Variants in TTLL11 observed in about 807,000 individuals in gnomAD.
TTLL11 encodes tubulin tyrosine ligase like 11.
Under a neutral mutation model 51.7 loss-of-function variants are expected in TTLL11, and 42 were observed. That is an observed-to-expected ratio of 0.81 (90% confidence interval 0.64 to 1.05). The LOEUF is 1.05. Ranked by LOEUF, TTLL11 falls within the 50% of genes least tolerant of loss-of-function variation. TTLL11 has a pLI of 0.00. For synonymous variants in TTLL11, 381 were observed against 383.5 expected (o/e 0.99, Z 0.08); for missense variants, 799 against 940.4 (o/e 0.85, Z 1.97).
At chr9:121,992,536 A>G (rs10739604) in intron 3 of TTLL11, among the ~76,000 whole-genome samples, 133,898 of 152,252 alleles carry the variant, frequency 0.88, 59,233 homozygotes, top group Non-Finnish European at 0.94. Flanking sequence ...GAGAATCACT[A>G]GACTAAGTGA....
chr9:121,842,255 T>TA (rs1837377790), intron 8 of TTLL11, among the ~76,000 whole-genome samples: 1 of 133,580 alleles, frequency 7.5e-6, no homozygotes, highest in Non-Finnish European at 1.7e-5. Flanking sequence ...TCTCCTTTTT[T>TA]TTAAAAAAAA....
At chr9:122,084,985 C>G (rs528943908) in intron 1 of TTLL11, among the ~76,000 whole-genome samples, 1 of 152,150 alleles carries the variant, frequency 6.6e-6, no homozygotes, top group African/African-American at 2.4e-5. Flanking sequence ...ACAGGCCAGG[C>G]GCGGTGGCTC....
intron 6 of TTLL11, among the ~76,000 whole-genome samples, chr9:121,902,733 A>G (rs1839817949): frequency 6.6e-6 from 1 of 151,996 alleles, no homozygotes. Flanking sequence ...TTCTTTTCTG[A>G]CGCAGATGGG....
At chr9:121,881,030 T>C (rs1458083317) in intron 6 of TTLL11, among the ~76,000 whole-genome samples, 1 of 152,236 alleles carries the variant, frequency 6.6e-6, no homozygotes, top group East Asian at 1.9e-4. Flanking sequence ...AGCCTGTCTC[T>C]ACCCTGGAAG....
At chr9:121,826,802 C>T (rs943310620) in intron 8 of TTLL11, among the ~76,000 whole-genome samples, 2 of 151,802 alleles carry the variant, frequency 1.3e-5, no homozygotes, top group African/African-American at 4.8e-5. Flanking sequence ...GCAAAGTGGG[C>T]ATGACAGTGG....
chr9:121,856,225 T>C (rs1207106267), intron 8 of TTLL11, among the ~76,000 whole-genome samples: 1 of 152,178 alleles, frequency 6.6e-6, no homozygotes, highest in East Asian at 1.9e-4. Context: ...GCAACTGCCA[T>C]CATGCCTGGT....
intron 6 of TTLL11, among the ~76,000 whole-genome samples, chr9:121,892,972 G>C (rs1328794681): frequency 3.9e-5 from 6 of 152,128 alleles, no homozygotes; most frequent in African/African-American, 1.2e-4. Flanking sequence ...GGAGCTCTGA[G>C]TCATCAACCA....
intron 4 of TTLL11, among the ~76,000 whole-genome samples, chr9:121,979,242 T>C (rs1842778564): frequency 6.6e-6 from 1 of 152,096 alleles, no homozygotes; most frequent in African/African-American, 2.4e-5. Context: ...CCAACAGCCA[T>C]GGGAGTGGGC....
chr9:122,042,718 T>C (rs1025131265), intron 1 of TTLL11, among the ~76,000 whole-genome samples: 5 of 152,136 alleles, frequency 3.3e-5, no homozygotes, highest in African/African-American at 1.2e-4. Context: ...AGTAGATAAA[T>C]AAACTACAGT....
chr9:122,011,467 T>A (rs1328184120), intron 3 of TTLL11, among the ~76,000 whole-genome samples: 1 of 152,198 alleles, frequency 6.6e-6, no homozygotes, highest in East Asian at 1.9e-4. Flanking sequence ...ATAACTAGTG[T>A]GTGTTTTTAA....
intron 1 of TTLL11, among the ~76,000 whole-genome samples, chr9:122,060,040 G>T (rs1845400191): frequency 6.6e-6 from 1 of 152,140 alleles, no homozygotes; most frequent in Admixed American, 6.6e-5. Context: ...TTCCTCTTCT[G>T]CAACCAGCCA....
intron 6 of TTLL11, among the ~76,000 whole-genome samples, chr9:121,877,277 A>C (rs1838601223): frequency 6.6e-6 from 1 of 152,232 alleles, no homozygotes; most frequent in Admixed American, 6.5e-5. Flanking sequence ...TAATTTAAAG[A>C]ACTGGAGGAT....
intron 8 of TTLL11, among the ~76,000 whole-genome samples, chr9:121,842,772 A>G (rs1261899968): frequency 6.6e-6 from 1 of 152,194 alleles, no homozygotes; most frequent in Non-Finnish European, 1.5e-5. Flanking sequence ...GTAAGCCCAG[A>G]TTTCCCCGGA....
intron 6 of TTLL11, among the ~76,000 whole-genome samples, chr9:121,877,750 A>G (rs1668080744): frequency 6.6e-6 from 1 of 152,220 alleles, no homozygotes; most frequent in Non-Finnish European, 1.5e-5. Context: ...GTTATTATTA[A>G]TATGATCCCC....
intron 8 of TTLL11, among the ~76,000 whole-genome samples, chr9:121,845,280 A>G (rs575337996): frequency 1.3e-5 from 2 of 152,244 alleles, no homozygotes; most frequent in Admixed American, 6.5e-5. Flanking sequence ...AGAAAAAGAA[A>G]CCCCACCAAC....
At chr9:121,933,344 G>A (rs774228084) in intron 6 of TTLL11, among the ~76,000 whole-genome samples, 8 of 152,154 alleles carry the variant, frequency 5.3e-5, no homozygotes, top group Admixed American at 3.3e-4. Context: ...GGGAGCAAAC[G>A]GGTTTTCAGC....
chr9:121,865,191 G>A lies in TTLL11; in HGVS notation c.1734-4748C>T, dbSNP rs559398261. 1.8e-4 allele frequency among the ~76,000 whole-genome samples: 27 copies of A among 152,256 alleles called. No individual in the cohort carries two copies. In the East Asian group the frequency reaches 4.8e-3, roughly 27 times the overall value. ...GAGTTAATGACAGAGGGGGAAGCAA[G>A]GCCCCTTACGCTCCTATTCTAGAAC... On this transcript the variant is annotated intron_variant, in intron 7 of 8. Transcript: ENST00000321582.
Position 121,816,560 on chromosome 9 carries a change from GTGCA to G in TTLL11, c.*6023_*6026del, listed in dbSNP as rs1377956535. On this transcript the variant is annotated 3_prime_UTR_variant, in exon 9 of 9. Transcript: ENST00000321582. Reference sequence around the variant, plus strand: ...TGTGTGTGTGTGCGTGCGCACGTGTGTGCATGCGTGTGCGTGTGTGCATGTGTGT... The same window carrying G: ...TGTGTGTGTGTGCGTGCGCACGTGTGTGCGTGTGCGTGTGTGCATGTGTGT... 6.6e-6 allele frequency: 1 copy of G among 151,334 alleles called. No homozygotes were observed. The highest frequency in any genetic ancestry group is 1.5e-5 in the Non-Finnish European group (1 of 67,938). 9.4% of individuals were successfully genotyped at this position (151,334 alleles called of 1,614,324 possible).
intron 6 of TTLL11, among the ~76,000 whole-genome samples, chr9:121,899,319 ACTTATCACCTATTAATTCACTCT>A (rs1446026315): frequency 9.3e-5 from 14 of 150,080 alleles, no homozygotes; most frequent in African/African-American, 3.4e-4. Context: ...CTGTCTTAAT[ACTTATCACCTATTAATTCACTCT>A]GTGTGTGTGT....
Sources: gnomAD v4.1 joint callset for allele counts (sites outside exome capture counted in the v4.1 genomes callset) on GRCh38, gnomAD v4.1.1 for gene constraint, MANE v1.5 for transcripts, NCBI Gene and HGNC (gene_info 2026-07-23, HGNC 2026-07-21) for gene names.